ZNF829: variants seen among roughly 807,000 people sequenced by gnomAD.
ZNF829 encodes zinc finger protein 829.
Under a neutral mutation model 35.2 loss-of-function variants are expected in ZNF829, and 25 were observed. That is an observed-to-expected ratio of 0.71 (90% CI 0.52 to 0.99). ZNF829 has a LOEUF of 0.99. ZNF829 is among the 50% of genes least tolerant of loss of function. The pLI, the probability that ZNF829 is intolerant of heterozygous loss-of-function variation, is 0.00. For missense variants in ZNF829, 417 were observed against 515.3 expected (o/e 0.81, Z 1.85); for synonymous variants, 136 against 163.2 (o/e 0.83, Z 1.27).
intron 5 of ZNF829, chr19:36,905,695 C>T (rs1303344861): frequency 4.6e-5 from 7 of 152,180 alleles, no homozygotes; most frequent in African/African-American, 1.7e-4. Flanking sequence ...ACCTCGGCCT[C>T]CCAAAGTGCT....
chr19:36,897,375 C>T (rs2073122781), intron 5 of ZNF829, among the ~76,000 whole-genome samples: 1 of 151,984 alleles, frequency 6.6e-6, no homozygotes, highest in South Asian at 2.1e-4. Flanking sequence ...GAGATTTTTC[C>T]TGAAAAGTGC....
chr19:36,904,344 A>G (rs2146241701), intron 5 of ZNF829, among the ~76,000 whole-genome samples: 1 of 152,330 alleles, frequency 6.6e-6, no homozygotes, highest in African/African-American at 2.4e-5. Context: ...CTTTGATGAG[A>G]GGGACTGGGG....
chr19:36,904,295 G>T (rs769176493), intron 5 of ZNF829, among the ~76,000 whole-genome samples: 3 of 152,206 alleles, frequency 2.0e-5, no homozygotes, highest in Non-Finnish European at 2.9e-5. Flanking sequence ...TTGAAGGTAG[G>T]TATCAGAAGA....
chr19:36,910,153 C>T (rs13343653), intron 3 of ZNF829, among the ~76,000 whole-genome samples: 7 of 151,438 alleles, frequency 4.6e-5, no homozygotes, highest in African/African-American at 1.2e-4. Flanking sequence ...GGCACAATCT[C>T]GGCTCACTGC....
intron 3 of ZNF829, among the ~76,000 whole-genome samples, chr19:36,911,617 C>A (rs1251781208): frequency 6.6e-6 from 1 of 152,120 alleles, no homozygotes; most frequent in African/African-American, 2.4e-5. Context: ...AAAGGACACA[C>A]ATTCCCAATT....
intron 3 of ZNF829, 105 bp downstream of exon 3, chr19:36,914,860 G>C: frequency 9.7e-7 from 1 of 1,034,652 alleles, no homozygotes; most frequent in African/African-American, 1.6e-5. Flanking sequence ...AGCATAAGTG[G>C]AGCAACCATC....
rs1215302018 is a variant in ZNF829, at chr19:36,888,901, T to G, written c.*2591A>C. On this transcript the variant is annotated 3_prime_UTR_variant, in exon 6 of 6. Coordinates refer to ENST00000391711, the MANE Select transcript of ZNF829 (RefSeq NM_001037232.4). The stretch of plus-strand genomic sequence containing the variant: ...AATTCTCCTGCCTCAGCCTCCCAAG[T>G]AGCTGGGACTACAGTGCCTGCCACC... 6.6e-6 allele frequency: 1 copy of G among 152,292 alleles called. No individual in the cohort carries two copies. Among genetic ancestry groups the G allele is most frequent in the Admixed American group, 6.6e-5 (1 of 15,266 alleles). 9.4% of individuals were successfully genotyped at this position (152,292 alleles called of 1,614,324 possible).
chr19:36,892,262 TTC>T lies in ZNF829; in HGVS notation c.527_528del (p.Arg176AsnfsTer5). On this transcript the variant is annotated frameshift_variant, in exon 6 of 6. Coordinates refer to ENST00000391711, the MANE Select transcript of ZNF829 (RefSeq NM_001037232.4). LOFTEE classifies it high-confidence loss of function. ...TCATAGTGTTTTTCACCAAAATGAATTCTCTGATGTTGGATAAATTGTGAGTT... is the reference window on the plus strand; with the variant it reads ...TCATAGTGTTTTTCACCAAAATGAATTCTGATGTTGGATAAATTGTGAGTT... ...NQNSQFIQHQ[R>X]IHFGEKHYES... The T allele has an allele frequency of 6.2e-7, 1 of 1,614,012 alleles. No individual in the cohort carries two copies. Among genetic ancestry groups the T allele is most frequent in the African/African-American group, 1.3e-5 (1 of 75,064 alleles).
intron 5 of ZNF829, among the ~76,000 whole-genome samples, chr19:36,895,669 A>C (rs1409532776): frequency 6.6e-6 from 1 of 152,228 alleles, no homozygotes; most frequent in Admixed American, 6.5e-5. Flanking sequence ...TGAAAAAAAA[A>C]TACTGCACAC....
At chr19:36,901,754 A>G in intron 5 of ZNF829, 1 of 531,346 alleles carries the variant, frequency 1.9e-6, no homozygotes, top group Non-Finnish European at 3.5e-6. Context: ...GGCTCCCACA[A>G]AGAAGGGTGG....
intron 3 of ZNF829, among the ~76,000 whole-genome samples, chr19:36,909,591 C>T (rs1234975719): frequency 6.6e-6 from 1 of 151,828 alleles, no homozygotes; most frequent in Non-Finnish European, 1.5e-5. Context: ...GGAGGATCAC[C>T]AGGTCAGGAG....
intron 5 of ZNF829, among the ~76,000 whole-genome samples, chr19:36,903,864 GA>G (rs57784154): frequency 0.26 from 38,424 of 147,428 alleles, 5,617 homozygotes; most frequent in Non-Finnish European, 0.34. Flanking sequence ...AAACTGTCTC[GA>G]AAAAAAAAAT....
chr19:36,904,457 T>C (rs1247791279), intron 5 of ZNF829, among the ~76,000 whole-genome samples: 1 of 152,154 alleles, frequency 6.6e-6, no homozygotes, highest in African/African-American at 2.4e-5. Flanking sequence ...TGGAGTGCAG[T>C]TGCATGATCT....
At chr19:36,902,169 G>T in intron 5 of ZNF829, 2 of 168,920 alleles carry the variant, frequency 1.2e-5, no homozygotes, top group Non-Finnish European at 1.2e-5. Flanking sequence ...AAAAAAAAAA[G>T]AAAAAAAAAA....
chr19:36,908,547 T>TA (rs2073238231), intron 3 of ZNF829, 88 bp from the exon 4 acceptor site: 1 of 1,424,284 alleles, frequency 7.0e-7, no homozygotes, highest in South Asian at 1.5e-5. Context: ...TAAGCAAAAT[T>TA]AAAGGGGGTG....
chr19:36,891,938 GA>G lies in ZNF829; in HGVS notation c.852del (p.Leu285TyrfsTer3). On this transcript the variant is annotated frameshift_variant, in exon 6 of 6. Transcript: ENST00000391711. LOFTEE classifies it high-confidence loss of function. ...TCACCAGTATGAATTCTCAGATGTA[GA>G]AAAAGTTGTGAACTTTTAGTAAAGG... Reference protein sequence around the residue: ...GKAFTKSSQLFLHLRIHTGEK... With the variant: ...GKAFTKSSQLXLHLRIHTGEK... 6.2e-7 allele frequency: 1 copy of G among 1,613,934 alleles called. No homozygotes were observed. Among genetic ancestry groups the G allele is most frequent in the Non-Finnish European group, 8.5e-7 (1 of 1,179,968 alleles).
chr19:36,900,096 C>T (rs1044822156), intron 5 of ZNF829, among the ~76,000 whole-genome samples: 1 of 147,978 alleles, frequency 6.8e-6, no homozygotes, highest in Non-Finnish European at 1.5e-5. Context: ...ACTTGAGGTC[C>T]GGAGTTCAAG....
At chr19:36,909,089 G>T (rs919748636) in intron 3 of ZNF829, among the ~76,000 whole-genome samples, 1 of 152,098 alleles carries the variant, frequency 6.6e-6, no homozygotes, top group Non-Finnish European at 1.5e-5. Context: ...TTAGGAAAAA[G>T]AAAAGGTACT....
At chr19:36,894,081 C>G (rs1452606254) in intron 5 of ZNF829, among the ~76,000 whole-genome samples, 4 of 152,164 alleles carry the variant, frequency 2.6e-5, no homozygotes, top group African/African-American at 9.7e-5. Flanking sequence ...CCTGGCATAC[C>G]CCTCATCCTA....
Sources: gnomAD v4.1 joint callset for allele counts (sites outside exome capture counted in the v4.1 genomes callset) on GRCh38, gnomAD v4.1.1 for gene constraint, MANE v1.5 for transcripts, NCBI Gene and HGNC (gene_info 2026-07-23, HGNC 2026-07-21) for gene names.